Variants in CFH observed in about 807,000 individuals in gnomAD.
CFH encodes the protein complement factor H.
In CFH, 53 loss-of-function variants were observed where a neutral mutation model predicts 147.3. The ratio of observed to expected loss-of-function variants is 0.36; its 90% CI spans 0.29 to 0.45. The LOEUF is 0.45. CFH is among the 20% of genes least tolerant of loss of function. The pLI is 1.00. For missense variants in CFH, 1,380 were observed against 1,498.0 expected (o/e 0.92, Z 1.30); for synonymous variants, 536 against 489.4 (o/e 1.10, Z -1.26).
In CFH at chr1:196,673,072, A is replaced by G; in HGVS notation, c.153A>G (p.Lys51=). 1 of 1,614,032 alleles carries G rather than the reference A, an allele frequency of 6.2e-7. No individual in the cohort carries two copies. Among genetic ancestry groups the G allele is most frequent in the African/African-American group, 1.3e-5 (1 of 75,052 alleles). Residue 51 remains lysine, a synonymous_variant, in exon 2 of 22, where the codon AAA becomes AAG. Coordinates refer to ENST00000367429, the MANE Select transcript of CFH (RefSeq NM_000186.4). ...CAGAAGGCACCCAGGCTATCTATAA[A>G]TGCCGCCCTGGATATAGATCTCTTG... The part of the protein sequence containing the change: ...TYPEGTQAIY[K]CRPGYRSLGN...
chr1:196,692,876 C>CACCTACCT (rs1425200451), intron 9 of CFH, among the ~76,000 whole-genome samples: 8 of 26,390 alleles, frequency 3.0e-4, no homozygotes, highest in Admixed American at 3.9e-4. Flanking sequence ...CTCCCTCTGT[C>CACCTACCT]ACCTCCCTCC....
intron 15 of CFH, among the ~76,000 whole-genome samples, chr1:196,736,359 T>C (rs1377373624): frequency 6.6e-6 from 1 of 152,106 alleles, no homozygotes; most frequent in Non-Finnish European, 1.5e-5. Context: ...ATTAACTACA[T>C]ATAATTCTAC....
chr1:196,661,073 G>T (rs188852949), intron 1 of CFH, among the ~76,000 whole-genome samples: 3 of 152,160 alleles, frequency 2.0e-5, no homozygotes, highest in Admixed American at 2.0e-4. Context: ...CCTTTTGTGC[G>T]GAAGGGGCCG....
intron 11 of CFH, among the ~76,000 whole-genome samples, chr1:196,716,632 A>C (rs1668875950): frequency 6.6e-6 from 1 of 152,116 alleles, no homozygotes; most frequent in South Asian, 2.1e-4. Context: ...GGTGCAGAGC[A>C]GAAGGCTGAT....
At chr1:196,745,793 A>C (rs1652983849) in intron 20 of CFH, 24 bp from the exon 21 acceptor site, 1 of 1,613,836 alleles carries the variant, frequency 6.2e-7, no homozygotes, top group African/African-American at 1.3e-5. Flanking sequence ...ACAACAAATC[A>C]AGTGATGAAA....
intron 1 of CFH, among the ~76,000 whole-genome samples, chr1:196,652,619 T>C (rs1277624549): frequency 6.6e-6 from 1 of 151,876 alleles, no homozygotes; most frequent in Non-Finnish European, 1.5e-5. Context: ...TAAATAAAAA[T>C]TCATTTATCA....
At chr1:196,728,733 GCACACACA>G (rs34018998) in intron 15 of CFH, among the ~76,000 whole-genome samples, 18 of 145,054 alleles carry the variant, frequency 1.2e-4, no homozygotes, top group Non-Finnish European at 1.5e-4. Context: ...ACACACACAC[GCACACACA>G]CACACACACA....
intron 9 of CFH, among the ~76,000 whole-genome samples, chr1:196,691,729 G>A (rs962188129): frequency 6.6e-6 from 1 of 151,344 alleles, no homozygotes; most frequent in Non-Finnish European, 1.5e-5. Context: ...CCTTTTTTCT[G>A]CATTATGAAC....
Position 196,747,400 on chromosome 1 carries a change from T to G in CFH, c.*87T>G. On this transcript the variant is annotated 3_prime_UTR_variant, in exon 22 of 22. Transcript: ENST00000367429. ...ATTTTTTATGTATTGTTTTACTCCTTTTTATTCATACGTAAAATTTTGGAT... is the reference window on the plus strand; with the variant it reads ...ATTTTTTATGTATTGTTTTACTCCTGTTTATTCATACGTAAAATTTTGGAT... The G allele has an allele frequency of 6.5e-7, 1 of 1,529,058 alleles. No individual in the cohort carries two copies. Among genetic ancestry groups the G allele is most frequent in the Non-Finnish European group, 9.0e-7 (1 of 1,112,654 alleles). The allele number at this position is 1,529,058 out of a possible 1,614,324, so 94.7% of individuals were successfully genotyped here. A position where few individuals can be genotyped will look rare whatever the true frequency, so the allele number is the denominator to read the frequency against.
chr1:196,677,682 C>A lies in CFH; in HGVS notation c.619+15C>A. On this transcript the variant is annotated intron_variant, in intron 5 of 21. Transcript: ENST00000367429. ...AAAGTGTGTGGGTAAGATACACTTA[C>A]TGTTTTAGTATTTTTAGCTTTTTAA... 2.5e-6 allele frequency: 4 copies of A among 1,603,986 alleles called. No homozygotes were observed. The highest frequency in any genetic ancestry group is 3.4e-6 in the Non-Finnish European group (4 of 1,171,228).
intron 11 of CFH, among the ~76,000 whole-genome samples, chr1:196,723,978 T>C (rs35828462): frequency 0.015 from 2,245 of 152,062 alleles, 58 homozygotes; most frequent in African/African-American, 0.05. Flanking sequence ...GCTGGGACCA[T>C]TGGGCTCCTG....
At chr1:196,741,138 A>C (rs1258534962) in intron 18 of CFH, 1 of 281,620 alleles carries the variant, frequency 3.6e-6, no homozygotes, top group East Asian at 8.5e-5. Flanking sequence ...ATTTTCTGAA[A>C]TATTTTAAAA....
intron 9 of CFH, among the ~76,000 whole-genome samples, chr1:196,711,022 A>G (rs1055549608): frequency 1.3e-5 from 2 of 152,078 alleles, no homozygotes; most frequent in African/African-American, 4.8e-5. Flanking sequence ...TAATATATGT[A>G]AAAACCATAA....
chr1:196,743,365 G>T (rs1652877181), intron 19 of CFH, 87 bp from the exon 20 acceptor site: 7 of 1,536,338 alleles, frequency 4.6e-6, no homozygotes, highest in Non-Finnish European at 4.5e-6. Flanking sequence ...TTTTAAATTC[G>T]TCTTGAAATA....
intron 9 of CFH, chr1:196,701,660 C>T (rs150508584): frequency 9.7e-5 from 32 of 329,762 alleles, no homozygotes; most frequent in Non-Finnish European, 1.6e-4. Flanking sequence ...GTCGAGGTCA[C>T]TCTCTTTGAG....
At chr1:196,714,635 G>GTATATATATATATATATATATATGTATA (rs1668806914) in intron 10 of CFH, among the ~76,000 whole-genome samples, 1 of 24,924 alleles carries the variant, frequency 4.0e-5, no homozygotes, top group African/African-American at 1.7e-4. Flanking sequence ...ACGTATATAT[G>GTATATATATATATATATATATATGTATA]TATATATATA....
intron 9 of CFH, among the ~76,000 whole-genome samples, chr1:196,695,730 TA>T (rs1371007649): frequency 6.6e-6 from 1 of 152,176 alleles, no homozygotes; most frequent in East Asian, 1.9e-4. Flanking sequence ...GCATCCCTTG[TA>T]AGTTGTATTT....
At chr1:196,685,001 A>C in intron 6 of CFH, 63 bp from the exon 7 acceptor site, 1 of 1,271,642 alleles carries the variant, frequency 7.9e-7, no homozygotes. Context: ...AAATGTTTAT[A>C]TAAATGATTA....
intron 1 of CFH, among the ~76,000 whole-genome samples, chr1:196,662,803 C>T (rs1000893236): frequency 2.6e-5 from 4 of 151,916 alleles, no homozygotes; most frequent in Non-Finnish European, 5.9e-5. Flanking sequence ...ACCACTTGAG[C>T]CCAGGGGGTC....
Sources: allele counts gnomAD v4.1 joint callset (sites outside exome capture counted in the v4.1 genomes callset), GRCh38; gene constraint gnomAD v4.1.1; transcripts MANE v1.5; gene names NCBI Gene and HGNC (gene_info 2026-07-23, HGNC 2026-07-21).